Variants in PPP2R5C observed in about 807,000 individuals in gnomAD.
PPP2R5C encodes protein phosphatase 2 regulatory subunit B'gamma.
PPP2R5C carries 7 observed loss-of-function variants against 68.9 expected under a neutral mutation model. The ratio of observed to expected loss-of-function variants is 0.10; its 90% CI spans 0.06 to 0.19. The LOEUF is 0.19. Among genes scored for constraint, PPP2R5C ranks in the 10% least tolerant of loss-of-function variants. The probability of loss-of-function intolerance (pLI) is 1.00; values close to 1 mark genes in which losing one functional copy is unlikely to be tolerated. For synonymous variants in PPP2R5C, 210 were observed against 222.2 expected (o/e 0.95, Z 0.49); for missense variants, 348 against 641.3 (o/e 0.54, Z 4.94).
chr14:101,872,345 C>G (rs900014133), intron 2 of PPP2R5C, among the ~76,000 whole-genome samples: 1 of 151,304 alleles, frequency 6.6e-6, no homozygotes, highest in Non-Finnish European at 1.5e-5. Context: ...ACCTCACACC[C>G]CAACCCCAAC....
intron 2 of PPP2R5C, among the ~76,000 whole-genome samples, chr14:101,773,118 C>T (rs1053944585): frequency 2.6e-5 from 4 of 152,212 alleles, no homozygotes; most frequent in African/African-American, 9.7e-5. Context: ...TGAGACCTGG[C>T]ATGTGCTGAG....
chr14:101,800,562 CAAAAT>C (rs1437398855), intron 3 of PPP2R5C, among the ~76,000 whole-genome samples: 4 of 143,630 alleles, frequency 2.8e-5, no homozygotes, highest in East Asian at 2.0e-4. Context: ...GACTCTAACT[CAAAAT>C]AAAATAAAAA....
intron 8 of PPP2R5C, 142 bp downstream of exon 10, chr14:101,894,702 C>A: frequency 1.3e-6 from 1 of 740,852 alleles, no homozygotes; most frequent in Non-Finnish European, 2.3e-6. Context: ...TCATTTCATT[C>A]ATGGGTTATA....
intron 2 of PPP2R5C, among the ~76,000 whole-genome samples, chr14:101,871,925 T>C (rs2043444877): frequency 6.6e-6 from 1 of 152,208 alleles, no homozygotes; most frequent in Admixed American, 6.5e-5. Flanking sequence ...TTTCCGCTAT[T>C]ATCATACATA....
At chr14:101,909,529 A>T in intron 10 of PPP2R5C, 60 bp from the exon 13 acceptor site, 1 of 1,165,262 alleles carries the variant, frequency 8.6e-7, no homozygotes, top group Non-Finnish European at 1.3e-6. Flanking sequence ...CTGAGAGTGG[A>T]GAGGCGAGGG....
chr14:101,841,169 A>G (rs918102010), intron 1 of PPP2R5C, among the ~76,000 whole-genome samples: 2 of 152,252 alleles, frequency 1.3e-5, no homozygotes, highest in Admixed American at 1.3e-4. Flanking sequence ...CAGGGTCACT[A>G]AGGTAGTCAG....
chr14:101,819,215 G>C lies in PPP2R5C; in HGVS notation c.94+9179G>C, dbSNP rs912744006. The C allele has an allele frequency of 4.4e-5, 34 of 771,852 alleles. No homozygotes were observed. In the African/African-American group the frequency reaches 4.5e-4, roughly 10 times the overall value. 47.8% of individuals were successfully genotyped at this position (771,852 alleles called of 1,614,324 possible). On this transcript the variant is annotated intron_variant, in intron 1 of 13. Coordinates refer to ENST00000334743, the Ensembl canonical transcript of PPP2R5C. ...ATGTAATTGGTCAGACTTCTCAAAG[G>C]GGGGTAGCACTTGATAATCGCTCTC... is the stretch of plus-strand genomic sequence containing the variant.
chr14:101,842,916 C>T (rs989842758), intron 1 of PPP2R5C, among the ~76,000 whole-genome samples: 29 of 151,778 alleles, frequency 1.9e-4, no homozygotes, highest in African/African-American at 6.5e-4. Context: ...AGTGGAGTTC[C>T]ATCTTTAATA....
intron 1 of PPP2R5C, among the ~76,000 whole-genome samples, chr14:101,837,666 G>A (rs1025348248): frequency 2.0e-5 from 3 of 152,222 alleles, no homozygotes; most frequent in Non-Finnish European, 4.4e-5. Context: ...AGGACTGTGG[G>A]CTTTGTTGGA....
At chr14:101,905,073 G>T (rs1037240101) in intron 9 of PPP2R5C, among the ~76,000 whole-genome samples, 1 of 152,256 alleles carries the variant, frequency 6.6e-6, no homozygotes, top group Admixed American at 6.5e-5. Flanking sequence ...AAAATGGGGG[G>T]CTGAGTGCAG....
At chr14:101,912,917 A>G (rs2046472944) in intron 12 of PPP2R5C, among the ~76,000 whole-genome samples, 1 of 152,226 alleles carries the variant, frequency 6.6e-6, no homozygotes, top group South Asian at 2.1e-4. Flanking sequence ...AGGTTTCTGT[A>G]AGCCCAGCCT....
At chr14:101,926,651 T>TA (rs2047298751) in exon 14 of PPP2R5C, 1 of 152,582 alleles carries the variant, frequency 6.6e-6, no homozygotes, top group African/African-American at 2.4e-5. Context: ...TTATATAACT[T>TA]AATGTTAAGT....
At chr14:101,773,874 T>C (rs1430537361) in intron 2 of PPP2R5C, among the ~76,000 whole-genome samples, 1 of 152,180 alleles carries the variant, frequency 6.6e-6, no homozygotes, top group Non-Finnish European at 1.5e-5. Flanking sequence ...TTGGATTTTT[T>C]TGTAGAGAAG....
chr14:101,822,207 C>A (rs1194668108), intron 1 of PPP2R5C, among the ~76,000 whole-genome samples: 1 of 151,928 alleles, frequency 6.6e-6, no homozygotes, highest in Non-Finnish European at 1.5e-5. Context: ...ATTAAGTCAC[C>A]TTACTTTCCT....
intron 1 of PPP2R5C, among the ~76,000 whole-genome samples, chr14:101,826,508 C>T (rs2140305517): frequency 6.6e-6 from 1 of 152,318 alleles, no homozygotes; most frequent in Middle Eastern, 3.4e-3. Context: ...GTCCTTATGT[C>T]TGTACCACAC....
intron 6 of PPP2R5C, 82 bp downstream of exon 8, chr14:101,890,378 C>A: frequency 7.4e-7 from 1 of 1,345,506 alleles, no homozygotes; most frequent in Non-Finnish European, 1.0e-6. Flanking sequence ...CAGCTGCCCG[C>A]TTTAAAGCAA....
upstream of PPP2R5C, chr14:101,760,734 GAGGGGC>G: frequency 2.3e-6 from 2 of 872,040 alleles, no homozygotes; most frequent in Non-Finnish European, 2.7e-6. Flanking sequence ...CTGGTGAGGG[GAGGGGC>G]TGGTCGAGGG....
intron 1 of PPP2R5C, among the ~76,000 whole-genome samples, chr14:101,843,209 C>G (rs2140439198): frequency 6.6e-6 from 1 of 152,260 alleles, no homozygotes; most frequent in South Asian, 2.1e-4. Flanking sequence ...GCCTGGGTGA[C>G]AGAGCAAGAC....
intron 2 of PPP2R5C, among the ~76,000 whole-genome samples, chr14:101,870,633 T>G (rs1273200082): frequency 6.6e-6 from 1 of 152,262 alleles, no homozygotes; most frequent in Non-Finnish European, 1.5e-5. Context: ...ACTATTCTAG[T>G]TATTTTACCT....
Sources: gnomAD v4.1 joint callset for allele counts (sites outside exome capture counted in the v4.1 genomes callset) on GRCh38, gnomAD v4.1.1 for gene constraint, MANE v1.5 for transcripts, NCBI Gene and HGNC (gene_info 2026-07-23, HGNC 2026-07-21) for gene names.